The following ZFP37 variants were observed in gnomAD, a reference collection of about 807,000 sequenced individuals.
The protein encoded by ZFP37 is ZFP37 zinc finger protein.
Under a neutral mutation model 52.1 loss-of-function variants are expected in ZFP37, and 38 were observed. The observed-to-expected ratio is 0.73, with a 90% CI of 0.56 to 0.96. The LOEUF (loss-of-function observed/expected upper bound fraction) is 0.96. Among genes scored for constraint, ZFP37 ranks in the 40% least tolerant of loss-of-function variants. The pLI is 0.00. For missense variants in ZFP37, 695 were observed against 741.4 expected (o/e 0.94, Z 0.73); for synonymous variants, 253 against 259.5 (o/e 0.98, Z 0.24).
At chr9:113,053,699 C>T (rs182388573) in intron 1 of ZFP37, among the ~76,000 whole-genome samples, 1 of 152,294 alleles carries the variant, frequency 6.6e-6, no homozygotes, top group African/African-American at 2.4e-5. Flanking sequence ...AAGAATTACC[C>T]TGTCTTGTTA....
In ZFP37 at chr9:113,046,296, G is replaced by A. The variant is rs1298337251; in HGVS notation, c.350-2028C>T. Reference sequence around the variant, plus strand: ...CAGATATATATCTATATATATATTAGGGAGTCTAGAGAAGTGCAGTTGCTG... The same window carrying A: ...CAGATATATATCTATATATATATTAAGGAGTCTAGAGAAGTGCAGTTGCTG... On this transcript the variant is annotated intron_variant, in intron 3 of 3. Coordinates refer to ENST00000374227, the MANE Select transcript of ZFP37 (RefSeq NM_003408.3). Among the ~76,000 whole-genome samples the A allele has an allele frequency of 4.0e-5, 6 of 150,244 alleles. No homozygotes were observed. The East Asian group carries it at 1.2e-3, about 29-fold the overall frequency.
At chr9:113,045,427 C>T (rs1461385439) in intron 3 of ZFP37, among the ~76,000 whole-genome samples, 1 of 152,164 alleles carries the variant, frequency 6.6e-6, no homozygotes, top group Admixed American at 6.5e-5. Context: ...GTACATCCAA[C>T]CTTGTTTTGT....
chr9:113,046,564 A>C (rs1828961588), intron 3 of ZFP37, among the ~76,000 whole-genome samples: 1 of 152,202 alleles, frequency 6.6e-6, no homozygotes. Context: ...AAGACATAAG[A>C]TACTACAAGA....
chr9:113,049,559 C>A (rs967936299), intron 2 of ZFP37, 63 bp from the exon 3 acceptor site: 64 of 1,562,754 alleles, frequency 4.1e-5, no homozygotes, highest in Non-Finnish European at 5.3e-5. Context: ...GAAGCCGCAG[C>A]ATTTGTACTT....
intron 1 of ZFP37, among the ~76,000 whole-genome samples, chr9:113,050,908 T>G (rs543280470): frequency 6.6e-6 from 1 of 151,794 alleles, no homozygotes; most frequent in South Asian, 2.1e-4. Flanking sequence ...AAAAAAAAGT[T>G]ATTTATGTTT....
Position 113,049,295 on chromosome 9 carries a change from G to A in ZFP37, c.349+67C>T, listed in dbSNP as rs939377909. 7 of 1,555,104 alleles carry A rather than the reference G, an allele frequency of 4.5e-6. No homozygotes were observed. In the South Asian group the frequency reaches 7.0e-5, roughly 16 times the overall value. The stretch of plus-strand genomic sequence containing the variant: ...GCTATTTTCTAGTTAAGAAAGAAAG[G>A]TCTAGGATCTTTAAGAAGAATTTCA... On this transcript the variant is annotated intron_variant, in intron 3 of 3. Coordinates refer to ENST00000374227, the MANE Select transcript of ZFP37 (RefSeq NM_003408.3).
Position 113,056,552 on chromosome 9 carries a change from C to G in ZFP37, c.132+5G>C. The G allele has an allele frequency of 1.2e-6, 2 of 1,613,316 alleles. No individual in the cohort carries two copies. Among genetic ancestry groups the G allele is most frequent in the Non-Finnish European group, 8.5e-7 (1 of 1,179,870 alleles). The stretch of plus-strand genomic sequence containing the variant: ...CAAAACACCCTGTCTCATCACAGCT[C>G]TCACCGCGGCGCTGGCCTCGGGCTC... On this transcript the variant is annotated splice_donor_5th_base_variant and intron_variant, in intron 1 of 3. Transcript: ENST00000374227.
At chr9:113,048,374 A>G (rs1482282151) in intron 3 of ZFP37, among the ~76,000 whole-genome samples, 3 of 152,166 alleles carry the variant, frequency 2.0e-5, no homozygotes, top group African/African-American at 7.2e-5. Context: ...TGTCCAATAC[A>G]TAGGAGAAAA....
At position 113,042,623 on chromosome 9, in the gene ZFP37, G is replaced by T; in HGVS notation, c.*102C>A. 2 of 964,700 alleles carry T rather than the reference G, an allele frequency of 2.1e-6. No individual in the cohort carries two copies. The highest frequency in any genetic ancestry group is 3.0e-6 in the Non-Finnish European group (2 of 674,826). 59.8% of individuals were successfully genotyped at this position (964,700 alleles called of 1,614,324 possible). On this transcript the variant is annotated 3_prime_UTR_variant, in exon 4 of 4. Coordinates refer to ENST00000374227, the MANE Select transcript of ZFP37 (RefSeq NM_003408.3). ...TTCAAAGTTTCTCATGTACAACAAG[G>T]TGTGACATCTTGCTAAAGGCTTTCT...
In ZFP37 at chr9:113,041,743, T is replaced by C. The variant is rs1219099417; in HGVS notation, c.*982A>G. On this transcript the variant is annotated 3_prime_UTR_variant, in exon 4 of 4. Transcript: ENST00000374227. ...AATAAGCATACAAAGATTTTAACTCTGTCAAAATCTGAGATCTCACATGTT... is the reference window on the plus strand; with the variant it reads ...AATAAGCATACAAAGATTTTAACTCCGTCAAAATCTGAGATCTCACATGTT... 6.6e-6 allele frequency: 1 copy of C among 152,228 alleles called. No homozygotes were observed. The highest frequency in any genetic ancestry group is 2.4e-5 in the African/African-American group (1 of 41,456). 9.4% of individuals were successfully genotyped at this position (152,228 alleles called of 1,614,324 possible). A position where few individuals can be genotyped will look rare whatever the true frequency, so the allele number is the denominator to read the frequency against.
chr9:113,054,376 T>G (rs995498899), intron 1 of ZFP37, among the ~76,000 whole-genome samples: 1 of 152,214 alleles, frequency 6.6e-6, no homozygotes, highest in Non-Finnish European at 1.5e-5. Flanking sequence ...CCTCTGTCCC[T>G]GGCTCTCTTC....
rs892196060 is a variant in ZFP37, at chr9:113,042,568, C to T, written c.*157G>A. On this transcript the variant is annotated 3_prime_UTR_variant, in exon 4 of 4. Transcript: ENST00000374227. ...TTGTATCAAGTTTAAACCCTTGTTT[C>T]CATCCACTGATTCTATATGAAGATC... The T allele has an allele frequency of 5.1e-5, 28 of 553,734 alleles. 1 individual carries two copies. The highest frequency in any genetic ancestry group is 8.1e-5 in the Non-Finnish European group (27 of 332,524). 34.3% of individuals were successfully genotyped at this position (553,734 alleles called of 1,614,324 possible). A position where few individuals can be genotyped will look rare whatever the true frequency, so the allele number is the denominator to read the frequency against.
intron 1 of ZFP37, among the ~76,000 whole-genome samples, chr9:113,050,551 AGC>A (rs968215364): frequency 5.0e-4 from 76 of 151,982 alleles, no homozygotes; most frequent in Non-Finnish European, 2.2e-4. Flanking sequence ...AAGGCTATTG[AGC>A]AGTATTTATA....
chr9:113,043,617 G>A lies in ZFP37; in HGVS notation c.1001C>T (p.Ser334Leu), dbSNP rs760932952. 3.1e-6 allele frequency: 5 copies of A among 1,613,912 alleles called. No individual in the cohort carries two copies. In the South Asian group the frequency reaches 5.5e-5, roughly 18 times the overall value. The change falls in exon 4 of 4, where the codon TCA becomes TTA. Residue 334 changes from serine to leucine, a missense_variant. Physicochemically the swap from Ser to Leu is moderately radical, Grantham distance 145. Coordinates refer to ENST00000374227, the MANE Select transcript of ZFP37 (RefSeq NM_003408.3). ...NECGIAFSQK[S>L]HLVVHQRTHT... ...AGTTCTCTGATGTACAACAAGGTGT[G>A]ACTTTTGGCTAAAGGCTATCCCACA...
At position 113,039,183 on chromosome 9, in the gene ZFP37, A is replaced by G. The variant is rs1828807927; in HGVS notation, c.*3542T>C. 1 of 152,134 alleles carries G rather than the reference A, an allele frequency of 6.6e-6. No homozygotes were observed. Among genetic ancestry groups the G allele is most frequent in the South Asian group, 2.1e-4 (1 of 4,818 alleles). 9.4% of individuals were successfully genotyped at this position (152,134 alleles called of 1,614,324 possible). A position where few individuals can be genotyped will look rare whatever the true frequency, so the allele number is the denominator to read the frequency against. Reference sequence around the variant, plus strand: ...CAACATAGAATAGATTCCTCGATGGACTGCCGACCATCATAAGGCTTTGAT... The same window carrying G: ...CAACATAGAATAGATTCCTCGATGGGCTGCCGACCATCATAAGGCTTTGAT... On this transcript the variant is annotated 3_prime_UTR_variant, in exon 4 of 4. Coordinates refer to ENST00000374227, the MANE Select transcript of ZFP37 (RefSeq NM_003408.3).
rs892762937 is a variant in ZFP37 at position 113,046,605 on chromosome 9, T to C, written c.350-2337A>G. Among the ~76,000 whole-genome samples, 8 of 152,040 alleles carry C rather than the reference T, an allele frequency of 5.3e-5. No individual in the cohort carries two copies. The South Asian group carries it at 1.5e-3, about 28-fold the overall frequency. On this transcript the variant is annotated intron_variant, in intron 3 of 3. Coordinates refer to ENST00000374227, the MANE Select transcript of ZFP37 (RefSeq NM_003408.3). Reference sequence around the variant, plus strand: ...TCACCATGAAGGAAAGGAGGAGAATTTGAACGAGTAAATTGGTATAGTAAT... The same window carrying C: ...TCACCATGAAGGAAAGGAGGAGAATCTGAACGAGTAAATTGGTATAGTAAT...
chr9:113,045,919 T>C (rs1828941117), intron 3 of ZFP37, among the ~76,000 whole-genome samples: 1 of 151,860 alleles, frequency 6.6e-6, no homozygotes. Context: ...GAAGCAGATA[T>C]AAAAATCCCC....
At chr9:113,044,627 T>A (rs1241411292) in intron 3 of ZFP37, among the ~76,000 whole-genome samples, 1 of 152,080 alleles carries the variant, frequency 6.6e-6, no homozygotes, top group African/African-American at 2.4e-5. Flanking sequence ...AGCTGCCCAG[T>A]TCTGATAACT....
intron 2 of ZFP37, 121 bp downstream of exon 2, chr9:113,049,670 C>T (rs1829022078): frequency 1.4e-6 from 2 of 1,458,900 alleles, no homozygotes; most frequent in South Asian, 1.4e-5. Context: ...AATATCCTGC[C>T]TAGTACCCAA....
Sources: gnomAD v4.1 joint callset for allele counts (sites outside exome capture counted in the v4.1 genomes callset) on GRCh38, gnomAD v4.1.1 for gene constraint, MANE v1.5 for transcripts, NCBI Gene and HGNC (gene_info 2026-07-23, HGNC 2026-07-21) for gene names.